The following PTPRC variants were observed in gnomAD, a reference collection of about 807,000 sequenced individuals.
PTPRC encodes protein tyrosine phosphatase receptor type C, also known as receptor-type tyrosine-protein phosphatase C.
In PTPRC, 44 loss-of-function variants were observed where a neutral mutation model predicts 155.9. The observed-to-expected ratio is 0.28, with a 90% CI of 0.22 to 0.36. The LOEUF is 0.36. Ranked by LOEUF, PTPRC falls within the 10% of genes least tolerant of loss-of-function variation. The probability of loss-of-function intolerance (pLI) is 1.00; values close to 1 mark genes in which losing one functional copy is unlikely to be tolerated. For missense variants in PTPRC, 1,401 were observed against 1,564.6 expected (o/e 0.90, Z 1.76); for synonymous variants, 525 against 533.1 (o/e 0.98, Z 0.21).
At chr1:198,739,390 T>G (rs1654794278) in intron 23 of PTPRC, among the ~76,000 whole-genome samples, 1 of 151,762 alleles carries the variant, frequency 6.6e-6, no homozygotes. Context: ...GAAAATTATA[T>G]TCTTTGTAAA....
chr1:198,748,071 T>C (rs777835146), intron 26 of PTPRC, 38 bp from the exon 27 acceptor site: 1 of 1,577,484 alleles, frequency 6.3e-7, no homozygotes, highest in South Asian at 1.2e-5. Flanking sequence ...AATATTTACA[T>C]TTTAAAGGAG....
At chr1:198,707,506 A>G (rs1326551888) in intron 9 of PTPRC, among the ~76,000 whole-genome samples, 1 of 152,216 alleles carries the variant, frequency 6.6e-6, no homozygotes, top group Non-Finnish European at 1.5e-5. Context: ...AGCCAAATGC[A>G]TTCTGGAAAA....
At chr1:198,724,494 T>C (rs1226149298) in intron 15 of PTPRC, among the ~76,000 whole-genome samples, 2 of 152,192 alleles carry the variant, frequency 1.3e-5, no homozygotes, top group Admixed American at 6.5e-5. Flanking sequence ...TTCACTGATA[T>C]ATGTTCTCTA....
chr1:198,665,720 A>C (rs975185314), intron 2 of PTPRC, among the ~76,000 whole-genome samples: 1 of 152,238 alleles, frequency 6.6e-6, no homozygotes, highest in South Asian at 2.1e-4. Context: ...TAAACATGAC[A>C]GAAACATTCA....
intron 2 of PTPRC, among the ~76,000 whole-genome samples, chr1:198,661,023 C>T (rs1290073803): frequency 6.7e-6 from 1 of 149,214 alleles, no homozygotes; most frequent in Non-Finnish European, 1.5e-5. Context: ...ATATATCCCT[C>T]TTACCACACA....
At chr1:198,755,797 C>A in intron 32 of PTPRC, 109 bp from the exon 33 acceptor site, 1 of 1,208,054 alleles carries the variant, frequency 8.3e-7, no homozygotes, top group Non-Finnish European at 1.2e-6. Flanking sequence ...ACTTTTCTGT[C>A]ATCCAATACT....
intron 12 of PTPRC, among the ~76,000 whole-genome samples, chr1:198,714,890 A>G (rs893886859): frequency 7.2e-5 from 11 of 152,182 alleles, no homozygotes; most frequent in South Asian, 6.2e-4. Context: ...CAGTGTCTCT[A>G]AAAGAGAGGG....
Position 198,756,395 on chromosome 1 carries a change from C to CTT in PTPRC, c.*215_*216dup. 2 of 628,468 alleles carry CTT rather than the reference C, an allele frequency of 3.2e-6. No individual in the cohort carries two copies. The highest frequency in any genetic ancestry group is 5.3e-6 in the Non-Finnish European group (2 of 374,784). 38.9% of individuals were successfully genotyped at this position (628,468 alleles called of 1,614,324 possible). On this transcript the variant is annotated 3_prime_UTR_variant, in exon 33 of 33. Transcript: ENST00000442510. ...GTATGCTTATTTTAAAATTTTATCT[C>CTT]TTATTCAGTAAAAAACAACTTCTTT...
chr1:198,714,311 C>T (rs1653458556), intron 12 of PTPRC, among the ~76,000 whole-genome samples: 1 of 151,944 alleles, frequency 6.6e-6, no homozygotes, highest in Non-Finnish European at 1.5e-5. Flanking sequence ...ACATTTTATG[C>T]ATTTATGGCT....
intron 11 of PTPRC, 85 bp downstream of exon 11, chr1:198,709,909 G>T: frequency 3.3e-6 from 5 of 1,532,754 alleles, no homozygotes; most frequent in Non-Finnish European, 4.4e-6. Context: ...GAAATGAATT[G>T]TCTTTTTGCT....
chr1:198,701,813 C>T (rs1033702892), intron 5 of PTPRC, among the ~76,000 whole-genome samples: 3 of 152,210 alleles, frequency 2.0e-5, no homozygotes, highest in African/African-American at 7.2e-5. Flanking sequence ...TAACCTTCAG[C>T]TGGAAAGGAA....
At position 198,709,794 on chromosome 1, in the gene PTPRC, G is replaced by A. The variant is rs776036789; in HGVS notation, c.1141G>A (p.Ala381Thr). ...ILYNNHKFTN[A>T]SKIIKTDFGS... ...CTATAATAACCACAAGTTTACTAAC[G>A]CAAGTAAAATTATTAAAACAGATTT... Residue 381 changes from alanine (A) to threonine (T), a missense_variant, in exon 11 of 33, where the codon GCA (alanine) becomes ACA (threonine). Ala to Thr is a moderately conservative substitution (Grantham distance 58, BLOSUM62 0). Transcript: ENST00000442510. 2.7e-5 allele frequency: 44 copies of A among 1,612,178 alleles called. No homozygotes were observed. The East Asian group carries it at 6.5e-4, about 24-fold the overall frequency.
At chr1:198,740,159 A>AGAAAAG (rs1260941602) in intron 23 of PTPRC, among the ~76,000 whole-genome samples, 1 of 151,934 alleles carries the variant, frequency 6.6e-6, no homozygotes, top group African/African-American at 2.4e-5. Flanking sequence ...TCAAAGAACT[A>AGAAAAG]GAAAAGCAAG....
intron 16 of PTPRC, 21 bp from the exon 17 acceptor site, chr1:198,729,116 T>C: frequency 1.2e-6 from 2 of 1,609,460 alleles, no homozygotes; most frequent in Non-Finnish European, 1.7e-6. Context: ...ATATAGAAAC[T>C]TATTTTTCCT....
intron 9 of PTPRC, 133 bp from the exon 10 acceptor site, chr1:198,708,000 A>G (rs1034183110): frequency 1.4e-6 from 1 of 733,558 alleles, no homozygotes; most frequent in Non-Finnish European, 2.2e-6. Flanking sequence ...TCCCATAGCA[A>G]TCTCAATCCT....
At chr1:198,671,254 C>T (rs12076722) in intron 2 of PTPRC, among the ~76,000 whole-genome samples, 6,162 of 152,164 alleles carry the variant, frequency 0.04, 390 homozygotes, top group African/African-American at 0.13. Flanking sequence ...CCCCTCACCC[C>T]CCTGTTTCCA....
intron 26 of PTPRC, among the ~76,000 whole-genome samples, chr1:198,745,085 G>T (rs1571889847): frequency 6.6e-6 from 1 of 151,752 alleles, no homozygotes; most frequent in African/African-American, 2.4e-5. Context: ...CAATATACCT[G>T]CCCTACTAAT....
intron 2 of PTPRC, among the ~76,000 whole-genome samples, chr1:198,677,641 T>C (rs780758919): frequency 2.0e-5 from 3 of 152,194 alleles, no homozygotes; most frequent in Non-Finnish European, 2.9e-5. Context: ...TTACACATTG[T>C]AATGTGGCTA....
intron 3 of PTPRC, among the ~76,000 whole-genome samples, chr1:198,696,032 T>C (rs1354415634): frequency 6.6e-6 from 1 of 151,890 alleles, no homozygotes; most frequent in Non-Finnish European, 1.5e-5. Flanking sequence ...TGGTGGTGTA[T>C]GCCTGTAATC....
Sources: allele counts gnomAD v4.1 joint callset (sites outside exome capture counted in the v4.1 genomes callset), GRCh38; gene constraint gnomAD v4.1.1; transcripts MANE v1.5; gene names NCBI Gene and HGNC (gene_info 2026-07-23, HGNC 2026-07-21).